The following PDLIM3 variants were observed in gnomAD, a reference collection of about 807,000 sequenced individuals.
PDLIM3 encodes the protein PDZ and LIM domain 3.
A neutral mutation model predicts 37.3 loss-of-function variants in PDLIM3; 36 were observed. The ratio of observed to expected loss-of-function variants is 0.97; its 90% CI spans 0.74 to 1.28. The LOEUF (loss-of-function observed/expected upper bound fraction) is 1.28, where lower values mean the gene tolerates loss of function less well. Ranked by LOEUF, PDLIM3 falls within the 50% of genes most tolerant of loss-of-function variation. PDLIM3 has a pLI of 0.00. For missense variants in PDLIM3, 454 were observed against 485.0 expected (o/e 0.94, Z 0.60); for synonymous variants, 174 against 182.4 (o/e 0.95, Z 0.37).
chr4:185,519,587 A>G (rs1345092016), intron 3 of PDLIM3, among the ~76,000 whole-genome samples: 1 of 152,182 alleles, frequency 6.6e-6, no homozygotes, highest in Non-Finnish European at 1.5e-5. Context: ...ATGCCCGGCC[A>G]CATTTTAAAA....
chr4:185,531,555 C>G (rs2153339627), intron 1 of PDLIM3, among the ~76,000 whole-genome samples: 1 of 152,220 alleles, frequency 6.6e-6, no homozygotes, highest in Middle Eastern at 3.4e-3. Flanking sequence ...ACTGTAATTT[C>G]AATTGATGGA....
chr4:185,510,209 T>G (rs1047681504), intron 4 of PDLIM3, among the ~76,000 whole-genome samples: 1 of 152,292 alleles, frequency 6.6e-6, no homozygotes, highest in African/African-American at 2.4e-5. Flanking sequence ...GTAATGAAGC[T>G]TATGAAATCA....
At position 185,521,798 on chromosome 4, in the gene PDLIM3, C is replaced by T. The variant is rs1314583932; in HGVS notation, c.330+1564G>A. ...GGTCCTGGCAATGTTAGAAAATGCA[C>T]AGCTCATTTTTAGGCCCTCCAGTTC... On this transcript the variant is annotated intron_variant, in intron 3 of 7. Transcript: ENST00000284767. Among the ~76,000 whole-genome samples the T allele has an allele frequency of 3.0e-5, 2 of 65,828 alleles. 1 individual carries two copies. Among genetic ancestry groups the T allele is most frequent in the Non-Finnish European group, 1.3e-4 (2 of 15,948 alleles). The allele number at this position is 65,828 out of a possible 152,430, so 43.2% of individuals were successfully genotyped here. A position where few individuals can be genotyped will look rare whatever the true frequency, so the allele number is the denominator to read the frequency against.
intron 1 of PDLIM3, 92 bp from the exon 2 acceptor site, chr4:185,525,263 T>A: frequency 8.0e-7 from 1 of 1,250,874 alleles, no homozygotes; most frequent in Non-Finnish European, 1.2e-6. Context: ...GGTAACATTT[T>A]AAATGTTTAA....
chr4:185,502,262 G>GGTGC lies in PDLIM3; in HGVS notation c.*28_*31dup, dbSNP rs761264018. The GGTGC allele has an allele frequency of 3.2e-5, 51 of 1,603,062 alleles. No homozygotes were observed. Among genetic ancestry groups the GGTGC allele is most frequent in the Middle Eastern group, 1.7e-4 (1 of 5,896 alleles). On this transcript the variant is annotated 3_prime_UTR_variant, in exon 8 of 8. Coordinates refer to ENST00000284767, the MANE Select transcript of PDLIM3 (RefSeq NM_014476.6). Reference sequence around the variant, plus strand: ...CTTCTCGTGTAAGTGCGCGTGGGTGGGTGCGTGCGTGCGTGCCACGCCTGC... The same window carrying GGTGC: ...CTTCTCGTGTAAGTGCGCGTGGGTGGGTGCGTGCGTGCGTGCGTGCCACGCCTGC...
intron 2 of PDLIM3, 54 bp from the exon 3 acceptor site, chr4:185,523,500 T>G (rs2095726389): frequency 1.8e-6 from 2 of 1,090,534 alleles, no homozygotes; most frequent in Non-Finnish European, 2.8e-6. Flanking sequence ...CTTTCAGTTT[T>G]AGCATACTTT....
intron 4 of PDLIM3, among the ~76,000 whole-genome samples, chr4:185,511,524 C>A (rs550805521): frequency 1.3e-5 from 2 of 152,190 alleles, no homozygotes; most frequent in Admixed American, 1.3e-4. Flanking sequence ...CCATGCCCAG[C>A]TAATTTTTCT....
chr4:185,528,187 A>T (rs2095737585), intron 1 of PDLIM3, among the ~76,000 whole-genome samples: 1 of 152,228 alleles, frequency 6.6e-6, no homozygotes, highest in South Asian at 2.1e-4. Flanking sequence ...TGTAATACTC[A>T]ATTCTGATTT....
intron 1 of PDLIM3, among the ~76,000 whole-genome samples, chr4:185,526,631 T>C (rs1277159294): frequency 1.3e-5 from 2 of 152,232 alleles, no homozygotes; most frequent in Admixed American, 6.5e-5. Flanking sequence ...ATCCCAACTA[T>C]ACACCTCTGT....
At chr4:185,513,510 T>C (rs1488128774) in intron 4 of PDLIM3, 3 of 960,942 alleles carry the variant, frequency 3.1e-6, no homozygotes, top group Non-Finnish European at 1.2e-6. Context: ...CTAAAGGCAC[T>C]TAAATTCTTT....
At chr4:185,534,287 G>C (rs779391555) in intron 1 of PDLIM3, among the ~76,000 whole-genome samples, 3 of 152,126 alleles carry the variant, frequency 2.0e-5, no homozygotes, top group Non-Finnish European at 4.4e-5. Flanking sequence ...TGTATGAGCA[G>C]ATCAATCAGA....
chr4:185,508,030 GCTAT>G (rs1184571976), intron 5 of PDLIM3, among the ~76,000 whole-genome samples: 4 of 151,966 alleles, frequency 2.6e-5, no homozygotes, highest in African/African-American at 9.7e-5. Context: ...TCATTTTATT[GCTAT>G]CTGACACATA....
At chr4:185,526,871 C>T (rs1035641565) in intron 1 of PDLIM3, among the ~76,000 whole-genome samples, 1 of 152,216 alleles carries the variant, frequency 6.6e-6, no homozygotes, top group Non-Finnish European at 1.5e-5. Context: ...ATGCTGCACT[C>T]TCAGAAAGAC....
At chr4:185,524,607 T>C (rs553321979) in intron 2 of PDLIM3, among the ~76,000 whole-genome samples, 229 of 152,358 alleles carry the variant, frequency 1.5e-3, no homozygotes, top group African/African-American at 5.3e-3. Context: ...CCAGTTTTAA[T>C]ATAATTACAG....
rs1259887443 is a variant in PDLIM3 at position 185,501,693 on chromosome 4, G to T, written c.*601C>A. On this transcript the variant is annotated 3_prime_UTR_variant, in exon 8 of 8. Transcript: ENST00000284767. ...AGTGTACATGTTAAAATATGATTGG[G>T]TTCTCTCATTGAAATGTTGATTTTA... 7 of 155,126 alleles carry T rather than the reference G, an allele frequency of 4.5e-5. No homozygotes were observed. The highest frequency in any genetic ancestry group is 3.8e-4 in the East Asian group (2 of 5,296). The allele number at this position is 155,126 out of a possible 1,614,324, so 9.6% of individuals were successfully genotyped here. A position where few individuals can be genotyped will look rare whatever the true frequency, so the allele number is the denominator to read the frequency against.
rs1433516310 is a variant in PDLIM3 at position 185,502,400 on chromosome 4, T to G, written c.989A>C (p.Lys330Thr). 1 of 1,614,204 alleles carries G rather than the reference T, an allele frequency of 6.2e-7. No individual in the cohort carries two copies. The highest frequency in any genetic ancestry group is 8.5e-7 in the Non-Finnish European group (1 of 1,180,030). Residue 330 changes from lysine (K) to threonine (T), a missense_variant, in exon 8 of 8, where the codon AAG becomes ACG. By Grantham distance (78) the Lys-to-Thr change is moderately conservative. Coordinates refer to ENST00000284767, the MANE Select transcript of PDLIM3 (RefSeq NM_014476.6). ...CTCCCCTTCTATGAAGAAGTAGCCC[T>G]TTTGCTTGAGGTTGAGGTTGCAGTC... ...CADCNLNLKQ[K>T]GYFFIEGELY...
intron 1 of PDLIM3, among the ~76,000 whole-genome samples, chr4:185,530,563 A>G (rs193164448): frequency 2.7e-4 from 41 of 152,334 alleles, no homozygotes; most frequent in African/African-American, 9.9e-4. Context: ...TATATCATGT[A>G]CACAAAAGAA....
intron 1 of PDLIM3, among the ~76,000 whole-genome samples, chr4:185,527,584 C>T (rs1242105366): frequency 3.9e-5 from 6 of 152,122 alleles, no homozygotes; most frequent in Admixed American, 6.6e-5. Context: ...ATTTCATAGC[C>T]GTTTTCCATT....
In PDLIM3 at chr4:185,514,958, C is replaced by T; in HGVS notation, c.331-621G>A. On this transcript the variant is annotated intron_variant, in intron 3 of 7. Transcript: ENST00000284767. This position sits in a 1 kb window ranked among gnomAD's most constrained non-coding sequence, Gnocchi z 4.0. The stretch of plus-strand genomic sequence containing the variant: ...GAAAGCCATTAGTGAGCGAAACCAA[C>T]AGCATCACTACTGTTAATAAAGGCA... The T allele has an allele frequency of 8.0e-7, 1 of 1,249,892 alleles. No individual in the cohort carries two copies. The highest frequency in any genetic ancestry group is 2.6e-5 in the East Asian group (1 of 39,066). 77.4% of individuals were successfully genotyped at this position (1,249,892 alleles called of 1,614,324 possible). A position where few individuals can be genotyped will look rare whatever the true frequency, so the allele number is the denominator to read the frequency against.
Sources: allele counts gnomAD v4.1 joint callset (sites outside exome capture counted in the v4.1 genomes callset), GRCh38; gene constraint gnomAD v4.1.1; non-coding constraint Gnocchi (gnomAD v3.1); transcripts MANE v1.5; gene names NCBI Gene and HGNC (gene_info 2026-07-23, HGNC 2026-07-21).